The following CEP152 variants were observed in gnomAD, a reference collection of about 807,000 sequenced individuals.
The protein encoded by CEP152 is centrosomal protein of 152 kDa.
A neutral mutation model predicts 188.9 loss-of-function variants in CEP152; 132 were observed. The ratio of observed to expected loss-of-function variants is 0.70; its 90% CI spans 0.61 to 0.81. CEP152 has a LOEUF of 0.81. Ranked by LOEUF, CEP152 falls within the 30% of genes least tolerant of loss-of-function variation. The pLI is 0.00. For missense variants in CEP152, 1,914 were observed against 1,969.8 expected (o/e 0.97, Z 0.54); for synonymous variants, 649 against 666.6 (o/e 0.97, Z 0.41).
intron 22 of CEP152, among the ~76,000 whole-genome samples, chr15:48,748,041 A>T (rs995057470): frequency 2.0e-5 from 3 of 152,184 alleles, no homozygotes; most frequent in African/African-American, 7.2e-5. Flanking sequence ...AACACTGCCA[A>T]CAGCATTCAA....
rs1352517889 is a variant in CEP152, at chr15:48,762,545, A to G, written c.2408T>C (p.Val803Ala). 1 of 1,614,058 alleles carries G rather than the reference A, an allele frequency of 6.2e-7. No individual in the cohort carries two copies. The highest frequency in any genetic ancestry group is 8.5e-7 in the Non-Finnish European group (1 of 1,179,998). Reference protein sequence around the residue: ...SQTDQVTTSDVISKKEMAIMI... With the variant: ...SQTDQVTTSDAISKKEMAIMI... ...AATTGCCATCTCTTTCTTGGAAATA[A>G]CATCACTGGTGGTTACTTGGTCAGT... Residue 803 changes from valine to alanine, a missense_variant, in exon 18 of 27, where the codon GTT (valine) becomes GCT (alanine). Transcript: ENST00000380950.
At chr15:48,783,750 T>C (rs1055235213) in intron 10 of CEP152, 1 of 170,242 alleles carries the variant, frequency 5.9e-6, no homozygotes, top group Non-Finnish European at 1.1e-5. Flanking sequence ...TAAACCTTTA[T>C]ATATTTTTTT....
At chr15:48,806,882 A>C (rs1255200710) in intron 1 of CEP152, among the ~76,000 whole-genome samples, 1 of 152,202 alleles carries the variant, frequency 6.6e-6, no homozygotes, top group East Asian at 1.9e-4. Flanking sequence ...TATGTTGTAG[A>C]TATTAAAGTG....
chr15:48,784,916 C>A (rs780088148), intron 9 of CEP152, among the ~76,000 whole-genome samples: 2 of 152,064 alleles, frequency 1.3e-5, no homozygotes, highest in African/African-American at 4.8e-5. Context: ...AGTCCTGAGT[C>A]CAGGTAGAAC....
Position 48,752,464 on chromosome 15 carries a change from A to G in CEP152, c.3351T>C (p.Asn1117=), listed in dbSNP as rs774406489. 1.2e-6 allele frequency: 2 copies of G among 1,613,434 alleles called. No individual in the cohort carries two copies. The highest frequency in any genetic ancestry group is 2.2e-5 in the South Asian group (2 of 91,042). ...CAGAATCCTTAGAGAGCTCGGCCAT[A>G]TTTCTCTGAAATAAAGTATCTTCAA... ...ENADPEWKKR[N]MAELSKDSAS... is the part of the protein sequence containing the mutation. The change falls in exon 21 of 27, where the codon AAT becomes AAC. Residue 1117 remains asparagine, a synonymous_variant. Coordinates refer to ENST00000380950, the MANE Select transcript of CEP152 (RefSeq NM_001194998.2).
chr15:48,781,112 C>T (rs2140836508), intron 12 of CEP152, 84 bp downstream of exon 12: 3 of 1,197,548 alleles, frequency 2.5e-6, no homozygotes, highest in Non-Finnish European at 3.7e-6. Context: ...AAATAATACG[C>T]TCTCACCTTA....
At chr15:48,732,849 A>T (rs1441533010) in intron 2 of CEP152, among the ~76,000 whole-genome samples, 2 of 152,070 alleles carry the variant, frequency 1.3e-5, no homozygotes, top group Non-Finnish European at 2.9e-5. Context: ...CTGGTGGCTC[A>T]TGCTTAAAAT....
downstream of CEP152, among the ~76,000 whole-genome samples, chr15:48,737,125 A>G (rs1892646761): frequency 6.6e-6 from 1 of 152,186 alleles, no homozygotes; most frequent in Non-Finnish European, 1.5e-5. Flanking sequence ...TCCAAGCCCA[A>G]AAAGTTTTCC....
intron 5 of CEP152, 64 bp from the exon 6 acceptor site, chr15:48,796,224 G>T: frequency 6.3e-7 from 1 of 1,579,836 alleles, no homozygotes; most frequent in South Asian, 1.1e-5. Flanking sequence ...ATCTGAATTA[G>T]ACACCTAAAT....
intron 18 of CEP152, among the ~76,000 whole-genome samples, chr15:48,761,343 T>C (rs1273770865): frequency 6.6e-6 from 1 of 152,204 alleles, no homozygotes; most frequent in African/African-American, 2.4e-5. Flanking sequence ...TTATCAAAAG[T>C]AGAGTGTATT....
chr15:48,791,430 G>A, intron 7 of CEP152, 54 bp from the exon 8 acceptor site: 1 of 1,461,154 alleles, frequency 6.8e-7, no homozygotes, highest in Non-Finnish European at 9.5e-7. Context: ...GGACCCCAAT[G>A]TCACAATCCC....
intron 25 of CEP152, 67 bp downstream of exon 25, chr15:48,741,880 A>T: frequency 6.2e-7 from 1 of 1,613,884 alleles, no homozygotes; most frequent in Non-Finnish European, 8.5e-7. Context: ...TGGTTAAGGA[A>T]AATGCTTTAA....
chr15:48,766,317 C>A (rs887044723), intron 17 of CEP152, among the ~76,000 whole-genome samples: 2 of 152,200 alleles, frequency 1.3e-5, no homozygotes, highest in Non-Finnish European at 2.9e-5. Context: ...ATTTTCTAAT[C>A]TTGAGGCAGA....
chr15:48,763,959 T>G (rs1457936829), intron 17 of CEP152, among the ~76,000 whole-genome samples: 1 of 152,218 alleles, frequency 6.6e-6, no homozygotes, highest in Non-Finnish European at 1.5e-5. Flanking sequence ...TGGTTTCATT[T>G]TGAGGAATCA....
intron 22 of CEP152, 35 bp from the exon 23 acceptor site, chr15:48,745,027 A>G: frequency 6.7e-7 from 1 of 1,488,962 alleles, no homozygotes; most frequent in Non-Finnish European, 9.1e-7. Context: ...TTAGACAGTT[A>G]AAAATTTTTT....
downstream of CEP152, among the ~76,000 whole-genome samples, chr15:48,737,013 G>A (rs1595578257): frequency 6.6e-6 from 1 of 152,290 alleles, no homozygotes; most frequent in South Asian, 2.1e-4. Flanking sequence ...TTGACAAGAT[G>A]GTTTGTTCCT....
intron 9 of CEP152, among the ~76,000 whole-genome samples, chr15:48,784,797 G>T (rs1896514985): frequency 1.3e-5 from 2 of 152,206 alleles, no homozygotes; most frequent in African/African-American, 4.8e-5. Flanking sequence ...GGGTAAATGT[G>T]TATGTGCATG....
intron 24 of CEP152, 128 bp from the exon 25 acceptor site, chr15:48,742,228 C>T: frequency 1.2e-6 from 1 of 846,780 alleles, no homozygotes; most frequent in South Asian, 1.4e-5. Context: ...AAACATTATA[C>T]TTTCCACAGT....
chr15:48,781,286 T>C lies in CEP152; in HGVS notation c.1487A>G (p.Asp496Gly), dbSNP rs770472797. Residue 496 changes from aspartate to glycine, a missense_variant, in exon 12 of 27, where the codon GAC (aspartate) becomes GGC (glycine). Transcript: ENST00000380950. The stretch of plus-strand genomic sequence containing the variant: ...TTCTATATTTAATTCTCCTTCTGAG[T>C]CACTTGGATGTATTCCTAGTTTTGC... ...SAAKLGIHPS[D>G]SEGELNIELT... The C allele has an allele frequency of 1.1e-5, 17 of 1,612,812 alleles. No individual in the cohort carries two copies. The highest frequency in any genetic ancestry group is 1.4e-5 in the Non-Finnish European group (16 of 1,179,150).
Sources: allele counts gnomAD v4.1 joint callset (sites outside exome capture counted in the v4.1 genomes callset), GRCh38; gene constraint gnomAD v4.1.1; transcripts MANE v1.5; gene names NCBI Gene and HGNC (gene_info 2026-07-23, HGNC 2026-07-21).